Variants in MYBPC1 observed in about 807,000 individuals in gnomAD.
MYBPC1 encodes the protein myosin binding protein C1.
MYBPC1 carries 52 observed loss-of-function variants against 147.1 expected under a neutral mutation model. That is an observed-to-expected ratio of 0.35 (90% confidence interval 0.28 to 0.45). MYBPC1 has a LOEUF of 0.45. Ranked by LOEUF, MYBPC1 falls within the 20% of genes least tolerant of loss-of-function variation. The pLI, the probability that MYBPC1 is intolerant of heterozygous loss-of-function variation, is 1.00. For missense variants in MYBPC1, 1,228 were observed against 1,440.3 expected, an observed-to-expected ratio of 0.85 and a Z score of 2.39; for synonymous variants, 477 against 475.9, an observed-to-expected ratio of 1.00 and a Z score of -0.03.
chr12:101,660,128 C>T, intron 19 of MYBPC1: 1 of 379,502 alleles, frequency 2.6e-6, no homozygotes, highest in Middle Eastern at 7.3e-4. Context: ...ATTAGATCTG[C>T]CTTGTCCTTA....
rs755222457 is a variant in MYBPC1, at chr12:101,631,555, C to G, written c.290-16C>G. On this transcript the variant is annotated splice_polypyrimidine_tract_variant and intron_variant, in intron 6 of 31. Coordinates refer to ENST00000361466, the MANE Select transcript of MYBPC1 (RefSeq NM_002465.4). The stretch of plus-strand genomic sequence containing the variant: ...GCTTGTTAAAGAGCAAGCTGAATCC[C>G]TTATGCTTCTTCTAGGTGAAGATAT... The G allele has an allele frequency of 1.9e-6, 3 of 1,613,400 alleles. No individual in the cohort carries two copies. Among genetic ancestry groups the G allele is most frequent in the Non-Finnish European group, 2.5e-6 (3 of 1,179,746 alleles).
chr12:101,656,616 A>T (rs183500071), intron 18 of MYBPC1, among the ~76,000 whole-genome samples: 94 of 152,318 alleles, frequency 6.2e-4, no homozygotes, highest in African/African-American at 2.1e-3. Flanking sequence ...AGCGTTACAT[A>T]ATGATGAATG....
intron 1 of MYBPC1, among the ~76,000 whole-genome samples, chr12:101,606,898 C>G (rs1882417188): frequency 6.6e-6 from 1 of 152,092 alleles, no homozygotes; most frequent in Non-Finnish European, 1.5e-5. Context: ...AATCTTGACT[C>G]ACTGCAACCT....
At chr12:101,693,685 T>G in the MYBPC1 span, among the ~76,000 whole-genome samples, 1 of 152,148 alleles carries the variant, frequency 6.6e-6, no homozygotes, top group African/African-American at 2.4e-5. Context: ...TTGCAGTGAG[T>G]TCAGATTGCG....
chr12:101,661,099 C>CTTTTTTTTT, intron 19 of MYBPC1, 59 bp from the exon 20 acceptor site: 1 of 1,103,860 alleles, frequency 9.1e-7, no homozygotes, highest in Admixed American at 1.9e-5. Context: ...TTCCTATTAA[C>CTTTTTTTTT]TTTTTTTTTC....
In MYBPC1 at chr12:101,643,140, A is replaced by T. The variant is rs1462135111; in HGVS notation, c.832+555A>T. The stretch of plus-strand genomic sequence containing the variant: ...TCTTCGAAGCTTCCTATACTCGGTC[A>T]TTATTGGTTATGGGTTTTATGACAC... On this transcript the variant is annotated intron_variant, in intron 11 of 31. Coordinates refer to ENST00000361466, the MANE Select transcript of MYBPC1 (RefSeq NM_002465.4). Among the ~76,000 whole-genome samples the T allele has an allele frequency of 2.6e-5, 4 of 152,184 alleles. No individual in the cohort carries two copies. The East Asian group carries it at 5.8e-4, about 22-fold the overall frequency.
intron 22 of MYBPC1, 151 bp downstream of exon 22, chr12:101,663,711 T>G: frequency 1.1e-6 from 1 of 947,114 alleles, no homozygotes; most frequent in Non-Finnish European, 1.6e-6. Context: ...GTATATAAAC[T>G]AAGCCCTTTT....
chr12:101,648,914 A>G (rs1212999907), intron 14 of MYBPC1, among the ~76,000 whole-genome samples: 2 of 151,802 alleles, frequency 1.3e-5, no homozygotes, highest in African/African-American at 4.8e-5. Context: ...TCATTCTAAT[A>G]GAGAATCATA....
chr12:101,617,167 G>A (rs2135858628), intron 2 of MYBPC1, 35 bp from the exon 3 acceptor site: 1 of 1,611,522 alleles, frequency 6.2e-7, no homozygotes, highest in South Asian at 1.1e-5. Flanking sequence ...ATGCTTTAAG[G>A]CACTTTAAAA....
intron 12 of MYBPC1, 30 bp from the exon 13 acceptor site, chr12:101,646,733 C>T: frequency 6.2e-7 from 1 of 1,610,100 alleles, no homozygotes; most frequent in Non-Finnish European, 8.5e-7. Flanking sequence ...CATTCACAGA[C>T]TCTGTTTATT....
chr12:101,668,436 T>A (rs1897893759), intron 23 of MYBPC1, among the ~76,000 whole-genome samples: 1 of 152,090 alleles, frequency 6.6e-6, no homozygotes, highest in Non-Finnish European at 1.5e-5. Context: ...ACAGATGAAA[T>A]AAAAGGGCCA....
chr12:101,647,099 C>T (rs1401002783), intron 13 of MYBPC1: 1 of 593,122 alleles, frequency 1.7e-6, no homozygotes, highest in Non-Finnish European at 3.0e-6. Flanking sequence ...AAGCCAAGCA[C>T]TATCTTGCAA....
chr12:101,675,374 T>C lies in MYBPC1; in HGVS notation c.2892T>C (p.Asp964=), dbSNP rs751038704. ...NVALTWTPPK[D]DGNAAITGYT... is the part of the protein sequence containing the mutation. ...CTCTCACATGGACTCCACCAAAGGA[T>C]GATGGAAATGCTGCTATCACAGGCT... is the stretch of plus-strand genomic sequence containing the variant. The change falls in exon 26 of 32, where the codon GAT becomes GAC. Residue 964 remains aspartate, a synonymous_variant. Coordinates refer to ENST00000361466, the MANE Select transcript of MYBPC1 (RefSeq NM_002465.4). 1 of 1,614,166 alleles carries C rather than the reference T, an allele frequency of 6.2e-7. No homozygotes were observed. The highest frequency in any genetic ancestry group is 8.5e-7 in the Non-Finnish European group (1 of 1,179,992).
chr12:101,647,843 C>T (rs940539312), intron 13 of MYBPC1, among the ~76,000 whole-genome samples: 4 of 152,092 alleles, frequency 2.6e-5, no homozygotes, highest in East Asian at 1.9e-4. Context: ...GCCAAGATCA[C>T]GCCACTACAC....
chr12:101,644,130 A>G (rs1181608936), intron 11 of MYBPC1, among the ~76,000 whole-genome samples: 1 of 152,078 alleles, frequency 6.6e-6, no homozygotes, highest in Non-Finnish European at 1.5e-5. Flanking sequence ...TCTGCCTCCC[A>G]GGTTCAAGTG....
chr12:101,642,872 T>C (rs1892359852), intron 11 of MYBPC1, among the ~76,000 whole-genome samples: 1 of 152,190 alleles, frequency 6.6e-6, no homozygotes, highest in African/African-American at 2.4e-5. Context: ...CCACTCACTG[T>C]CAAATTATTG....
chr12:101,680,217 T>G, intron 28 of MYBPC1, 126 bp from the exon 29 acceptor site: 1 of 910,970 alleles, frequency 1.1e-6, no homozygotes, highest in Non-Finnish European at 1.7e-6. Flanking sequence ...CAAGTAAAAG[T>G]CTATCCTTCT....
At chr12:101,620,615 C>T (rs1372632470) in intron 3 of MYBPC1, among the ~76,000 whole-genome samples, 2 of 152,116 alleles carry the variant, frequency 1.3e-5, no homozygotes, top group Non-Finnish European at 2.9e-5. Flanking sequence ...ATCCAACATC[C>T]TATGTCTGAA....
At position 101,671,423 on chromosome 12, in the gene MYBPC1, GGGATGGCCAAT is replaced by G. The variant is rs1898702853; in HGVS notation, c.2613+1015_2613+1025del. Among the ~76,000 whole-genome samples the G allele has an allele frequency of 2.0e-5, 3 of 151,934 alleles. No individual in the cohort carries two copies. In the South Asian group the frequency reaches 6.2e-4, roughly 32 times the overall value. On this transcript the variant is annotated intron_variant, in intron 24 of 31. Transcript: ENST00000361466. ...CAGGCTCCCATGAAACCAAACTAAA[GGGATGGCCAAT>G]TCAGGCCATCCTCATTGCACTCCGG...
Sources: allele counts gnomAD v4.1 joint callset (sites outside exome capture counted in the v4.1 genomes callset), GRCh38; gene constraint gnomAD v4.1.1; transcripts MANE v1.5; gene names NCBI Gene and HGNC (gene_info 2026-07-23, HGNC 2026-07-21).